Variants in PGAP1 observed in about 807,000 individuals in gnomAD.
PGAP1 encodes post-GPI attachment to proteins inositol deacylase 1, also known as GPI inositol-deacylase.
Under a neutral mutation model 127.0 loss-of-function variants are expected in PGAP1, and 76 were observed. The observed-to-expected ratio is 0.60, with a 90% CI of 0.50 to 0.72. The LOEUF (loss-of-function observed/expected upper bound fraction) is 0.72. Among genes scored for constraint, PGAP1 ranks in the 30% least tolerant of loss-of-function variants. The pLI is 0.00. For missense variants in PGAP1, 982 were observed against 1,071.3 expected (o/e 0.92, Z 1.16); for synonymous variants, 362 against 366.5 (o/e 0.99, Z 0.14).
chr2:196,892,802 T>C (rs549768771), intron 8 of PGAP1, among the ~76,000 whole-genome samples: 194 of 152,194 alleles, frequency 1.3e-3, no homozygotes, highest in African/African-American at 4.5e-3. Flanking sequence ...GAAGAATAAC[T>C]GATAATTGAG....
intron 1 of PGAP1, chr2:196,922,143 G>C: frequency 1.5e-6 from 2 of 1,292,668 alleles, no homozygotes; most frequent in South Asian, 2.5e-5. Flanking sequence ...TGCCTCTGCT[G>C]TCCTCCTTCC....
At chr2:196,892,205 G>T in intron 9 of PGAP1, 141 bp downstream of exon 9, 2 of 525,974 alleles carry the variant, frequency 3.8e-6, no homozygotes, top group East Asian at 3.3e-5. Context: ...TTACTGACTA[G>T]ATACTTATTA....
In PGAP1 at chr2:196,847,112, G is replaced by C; in HGVS notation, c.2041C>G (p.Leu681Val). Residue 681 changes from leucine (L) to valine (V), a missense_variant, in exon 22 of 27, where the codon CTG becomes GTG. By Grantham distance (32) the Leu-to-Val change is conservative. Coordinates refer to ENST00000354764, the MANE Select transcript of PGAP1 (RefSeq NM_024989.4). ...ILTCQSMCFP[L>V]ISLILFLFGT... ...AACAGAAAGAGAATCAAGGATATCA[G>C]GGGGAAACACATACTCTGACAAGTT... 1 of 1,613,312 alleles carries C rather than the reference G, an allele frequency of 6.2e-7. No homozygotes were observed. The highest frequency in any genetic ancestry group is 2.2e-5 in the East Asian group (1 of 44,820).
rs150908993 is a variant in PGAP1 at position 196,866,627 on chromosome 2, T to C, written c.1768-1547A>G. On this transcript the variant is annotated intron_variant, in intron 19 of 26. Transcript: ENST00000354764. ...AAAGCCAAAATTGGCAAATGGGATC[T>C]AATTAAACTAAAGAGCTTCTGCACA... 5.1e-3 allele frequency among the ~76,000 whole-genome samples: 783 copies of C among 152,244 alleles called. 4 individuals are homozygous for C. The highest frequency in any genetic ancestry group is 0.018 in the African/African-American group (743 of 41,550).
At position 196,840,244 on chromosome 2, in the gene PGAP1, A is replaced by G. The variant is rs1262422964; in HGVS notation, c.*990T>C. 6.6e-6 allele frequency: 1 copy of G among 152,178 alleles called. No individual in the cohort carries two copies. The highest frequency in any genetic ancestry group is 2.4e-5 in the African/African-American group (1 of 41,448). 9.4% of individuals were successfully genotyped at this position (152,178 alleles called of 1,614,324 possible). On this transcript the variant is annotated 3_prime_UTR_variant, in exon 27 of 27. Transcript: ENST00000354764. ...GTTAACAGTTGTCTACTGATATTCC[A>G]TTAATAGTATAATATTATACATCAA...
At chr2:196,854,941 C>A (rs1700830472) in intron 20 of PGAP1, among the ~76,000 whole-genome samples, 1 of 151,958 alleles carries the variant, frequency 6.6e-6, no homozygotes, top group Non-Finnish European at 1.5e-5. Context: ...CCATACCCAG[C>A]TAATGTATTC....
At chr2:196,847,856 C>A in intron 21 of PGAP1, 91 bp downstream of exon 21, 1 of 962,670 alleles carries the variant, frequency 1.0e-6, no homozygotes, top group Non-Finnish European at 1.4e-6. Flanking sequence ...ACTGCCAAAT[C>A]TGTATGAAAA....
intron 11 of PGAP1, 28 bp from the exon 12 acceptor site, chr2:196,885,503 A>G: frequency 6.7e-7 from 1 of 1,482,320 alleles, no homozygotes; most frequent in South Asian, 1.2e-5. Flanking sequence ...AAATATAATT[A>G]AAGGACAAAT....
rs80311513 is a variant in PGAP1, at chr2:196,892,565, C to T, written c.1034-164G>A. Among the ~76,000 whole-genome samples the T allele has an allele frequency of 0.01, 1,549 of 152,144 alleles. 23 individuals carry two copies. Among genetic ancestry groups the T allele is most frequent in the African/African-American group, 0.035 (1,465 of 41,530 alleles). ...AAAATCTAGTAATATATTTTCTATACACTCATCACCAACTAGCATTCACAT... is the reference window on the plus strand; with the variant it reads ...AAAATCTAGTAATATATTTTCTATATACTCATCACCAACTAGCATTCACAT... On this transcript the variant is annotated intron_variant, in intron 8 of 26. Coordinates refer to ENST00000354764, the MANE Select transcript of PGAP1 (RefSeq NM_024989.4).
intron 24 of PGAP1, 34 bp from the exon 25 acceptor site, chr2:196,844,109 T>A: frequency 8.0e-7 from 1 of 1,245,902 alleles, no homozygotes; most frequent in South Asian, 2.0e-5. Flanking sequence ...ATCAAGACAC[T>A]AAACAAAAGT....
chr2:196,898,400 A>T, intron 5 of PGAP1, 31 bp from the exon 6 acceptor site: 1 of 1,509,960 alleles, frequency 6.6e-7, no homozygotes, highest in Non-Finnish European at 9.2e-7. Context: ...AAACTTACGA[A>T]AAGCACATTT....
Position 196,847,055 on chromosome 2 carries a change from G to A in PGAP1, c.2098C>T (p.Leu700=). ...AGAAGTCTCACAGATGCAGAAGACA[G>A]TAGGCCACTCCAGTAGGCAGTACAC... ...GTCTAYWSGL[L]SSASVRLLSS... The change falls in exon 22 of 27, where the codon CTG becomes TTG. Residue 700 remains leucine, a synonymous_variant. Coordinates refer to ENST00000354764, the MANE Select transcript of PGAP1 (RefSeq NM_024989.4). 6.2e-7 allele frequency: 1 copy of A among 1,613,780 alleles called. No individual in the cohort carries two copies. The highest frequency in any genetic ancestry group is 1.1e-5 in the South Asian group (1 of 91,060).
At chr2:196,857,974 A>C (rs1700940968) in intron 20 of PGAP1, among the ~76,000 whole-genome samples, 1 of 152,170 alleles carries the variant, frequency 6.6e-6, no homozygotes, top group Admixed American at 6.5e-5. Context: ...GCAGTGCCCT[A>C]TTACAAATAA....
At chr2:196,894,510 T>C (rs970130859) in intron 7 of PGAP1, among the ~76,000 whole-genome samples, 5 of 152,170 alleles carry the variant, frequency 3.3e-5, no homozygotes, top group African/African-American at 1.2e-4. Flanking sequence ...AGCCTGTCTA[T>C]CAAAACTTTA....
intron 1 of PGAP1, 84 bp from the exon 2 acceptor site, chr2:196,920,234 A>G: frequency 4.2e-6 from 5 of 1,203,680 alleles, no homozygotes; most frequent in Non-Finnish European, 5.8e-6. Context: ...GAATTACGCA[A>G]ATTTGAAATA....
intron 22 of PGAP1, among the ~76,000 whole-genome samples, chr2:196,846,503 C>G (rs1407320533): frequency 1.3e-5 from 2 of 152,070 alleles, no homozygotes; most frequent in Non-Finnish European, 1.5e-5. Context: ...GGAGGAGTGG[C>G]AATGGGCACT....
Position 196,846,986 on chromosome 2 carries a change from A to C in PGAP1, c.2150+17T>G. The C allele has an allele frequency of 6.3e-7, 1 of 1,587,544 alleles. No homozygotes were observed. The highest frequency in any genetic ancestry group is 1.7e-4 in the Middle Eastern group (1 of 5,962). The stretch of plus-strand genomic sequence containing the variant: ...TTCTTAAAGCAATAAGAAAGCTGTT[A>C]ATCATTCATTCTTTACCTTTTCAAA... On this transcript the variant is annotated intron_variant, in intron 22 of 26. Transcript: ENST00000354764.
chr2:196,902,749 G>A lies in PGAP1; in HGVS notation c.650-7C>T. ...TTTACAGTCGTATAAAAATCTGGTG[G>A]GGAATAAAAAAGAGACATTAAAAAA... On this transcript the variant is annotated splice_region_variant and splice_polypyrimidine_tract_variant and intron_variant, in intron 4 of 26. Coordinates refer to ENST00000354764, the MANE Select transcript of PGAP1 (RefSeq NM_024989.4). 2 of 1,589,898 alleles carry A rather than the reference G, an allele frequency of 1.3e-6. No homozygotes were observed. Among genetic ancestry groups the A allele is most frequent in the Non-Finnish European group, 8.6e-7 (1 of 1,167,040 alleles).
intron 13 of PGAP1, 131 bp downstream of exon 13, chr2:196,879,945 C>T: frequency 1.6e-6 from 1 of 614,572 alleles, no homozygotes; most frequent in South Asian, 2.1e-5. Flanking sequence ...AATAATTTAA[C>T]AGTCTTAGGT....
Sources: allele counts gnomAD v4.1 joint callset (sites outside exome capture counted in the v4.1 genomes callset), GRCh38; gene constraint gnomAD v4.1.1; transcripts MANE v1.5; gene names NCBI Gene and HGNC (gene_info 2026-07-23, HGNC 2026-07-21).